ASXL1: variants seen among roughly 807,000 people sequenced by gnomAD.
ASXL1 encodes ASXL transcriptional regulator 1.
In ASXL1, 65 loss-of-function variants were observed where a neutral mutation model predicts 89.1. The ratio of observed to expected loss-of-function variants is 0.73; its 90% CI spans 0.60 to 0.90. The LOEUF (loss-of-function observed/expected upper bound fraction) is 0.90. Ranked by LOEUF, ASXL1 falls within the 40% of genes least tolerant of loss-of-function variation. The pLI, the probability that ASXL1 is intolerant of heterozygous loss-of-function variation, is 0.00. For missense variants in ASXL1, 1,786 were observed against 1,942.9 expected, an observed-to-expected ratio of 0.92 and a Z score of 1.52; for synonymous variants, 739 against 746.9, an observed-to-expected ratio of 0.99 and a Z score of 0.17.
intron 4 of ASXL1, among the ~76,000 whole-genome samples, chr20:32,398,852 G>T (rs1327010674): frequency 6.6e-6 from 1 of 151,106 alleles, no homozygotes; most frequent in Non-Finnish European, 1.5e-5. Flanking sequence ...CTCGTGATCC[G>T]CCCGCCTCGG....
intron 4 of ASXL1, among the ~76,000 whole-genome samples, chr20:32,407,705 T>C (rs1226977352): frequency 6.6e-6 from 1 of 152,202 alleles, no homozygotes; most frequent in African/African-American, 2.4e-5. Context: ...GCTCAAGTGA[T>C]CATCCCACCT....
rs892732207 is a variant in ASXL1, at chr20:32,434,636, G to T, written c.1924G>T (p.Gly642Ter). 1 of 1,607,626 alleles carries T rather than the reference G, an allele frequency of 6.2e-7. No individual in the cohort carries two copies. The highest frequency in any genetic ancestry group is 8.5e-7 in the Non-Finnish European group (1 of 1,176,870). ...TAGAGAGGCGGCCACCACTGCCATC[G>T]GAGGGGGGGGTGGCCCGGGTGGAGG... ...CHREAATTAIGGGGGPGGGGG... is the reference protein window; with the variant it reads ...CHREAATTAI The change falls in exon 13 of 13, where the codon GGA (glycine) becomes TGA (stop). Residue 642 changes from glycine (G) to a stop codon, truncating the protein, a stop_gained. Coordinates refer to ENST00000375687, the MANE Select transcript of ASXL1 (RefSeq NM_015338.6). LOFTEE classifies it low-confidence loss of function (END_TRUNC).
At chr20:32,363,600 T>A (rs1351979313) in intron 1 of ASXL1, among the ~76,000 whole-genome samples, 1 of 152,244 alleles carries the variant, frequency 6.6e-6, no homozygotes, top group Admixed American at 6.5e-5. Flanking sequence ...CACTCTCAAC[T>A]GTCCTGGTTT....
intron 2 of ASXL1, among the ~76,000 whole-genome samples, chr20:32,367,287 G>A (rs2048221414): frequency 1.3e-5 from 2 of 152,186 alleles, no homozygotes; most frequent in Non-Finnish European, 2.9e-5. Flanking sequence ...GGCGGAGGCT[G>A]GAGAATCGCT....
chr20:32,395,622 T>C (rs1032275152), intron 4 of ASXL1, among the ~76,000 whole-genome samples: 13 of 152,188 alleles, frequency 8.5e-5, no homozygotes, highest in Non-Finnish European at 1.8e-4. Context: ...TAATTACATG[T>C]ATATTTGGCT....
chr20:32,374,525 G>A (rs62206877), intron 4 of ASXL1, among the ~76,000 whole-genome samples: 1 of 152,008 alleles, frequency 6.6e-6, no homozygotes, highest in African/African-American at 2.4e-5. Context: ...CAAACTCCTG[G>A]CCTCAAGCAA....
chr20:32,398,755 G>T (rs998348391), intron 4 of ASXL1, among the ~76,000 whole-genome samples: 16 of 149,726 alleles, frequency 1.1e-4, no homozygotes, highest in Non-Finnish European at 7.5e-5. Context: ...GACTACAGGC[G>T]CCCGCCACTA....
chr20:32,426,697 C>G (rs762671854), intron 4 of ASXL1, among the ~76,000 whole-genome samples: 14 of 151,108 alleles, frequency 9.3e-5, no homozygotes, highest in Admixed American at 7.3e-4. Context: ...GTAGCTGGTA[C>G]TACAGGCGCG....
At chr20:32,408,337 A>G (rs1352020040) in intron 4 of ASXL1, among the ~76,000 whole-genome samples, 1 of 152,072 alleles carries the variant, frequency 6.6e-6, no homozygotes. Context: ...TCCCCTCTTT[A>G]TTGAATAGCT....
intron 1 of ASXL1, among the ~76,000 whole-genome samples, chr20:32,362,490 G>A (rs1013531159): frequency 6.6e-6 from 1 of 151,912 alleles, no homozygotes; most frequent in African/African-American, 2.4e-5. Context: ...CAAAAAATTA[G>A]CCAGGCGTGG....
intron 4 of ASXL1, among the ~76,000 whole-genome samples, chr20:32,373,014 C>T (rs574654140): frequency 1.3e-5 from 2 of 149,262 alleles, no homozygotes; most frequent in Admixed American, 6.7e-5. Context: ...TGGACTCAAG[C>T]GATCCACCCA....
chr20:32,379,750 C>A (rs968607116), intron 4 of ASXL1, among the ~76,000 whole-genome samples: 1 of 151,552 alleles, frequency 6.6e-6, no homozygotes, highest in East Asian at 2.0e-4. Context: ...CACTTGAACC[C>A]GGGAGGCAGA....
intron 8 of ASXL1, chr20:32,430,976 G>T (rs1246264536): frequency 6.1e-6 from 3 of 490,392 alleles, no homozygotes; most frequent in Non-Finnish European, 7.5e-6. Flanking sequence ...TAATTCTCAT[G>T]ATTTCTCCAG....
At chr20:32,359,454 C>G (rs1465141978) in intron 1 of ASXL1, 2 of 695,724 alleles carry the variant, frequency 2.9e-6, no homozygotes, top group Non-Finnish European at 5.2e-6. Flanking sequence ...TAGGGCCCTT[C>G]GTAAGACCTG....
rs187843990 is a variant in ASXL1, at chr20:32,434,279, C to T, written c.1720-153C>T. The T allele has an allele frequency of 5.6e-5, 56 of 999,004 alleles. No individual in the cohort carries two copies. The Admixed American group carries it at 5.9e-4, about 11-fold the overall frequency. The allele number at this position is 999,004 out of a possible 1,614,324, so 61.9% of individuals were successfully genotyped here. A position where few individuals can be genotyped will look rare whatever the true frequency, so the allele number is the denominator to read the frequency against. On this transcript the variant is annotated intron_variant, in intron 12 of 12. Transcript: ENST00000375687. Reference sequence around the variant, plus strand: ...ATCTTCTCTGAATGGTGTGTTATGGCGCCATTTTACTATGATGATTTCATT... The same window carrying T: ...ATCTTCTCTGAATGGTGTGTTATGGTGCCATTTTACTATGATGATTTCATT...
At position 32,434,865 on chromosome 20, in the gene ASXL1, G is replaced by A. The variant is rs754554150; in HGVS notation, c.2153G>A (p.Arg718Lys). 3.7e-6 allele frequency: 6 copies of A among 1,614,090 alleles called. No homozygotes were observed. Among genetic ancestry groups the A allele is most frequent in the Admixed American group, 3.3e-5 (2 of 60,010 alleles). ...GGAACTGCCATGTCCAGAGCTAGGA[G>A]AGAGGACCTGCCTTCTCTGAGAAAG... ...QAGTAMSRAR[R>K]EDLPSLRKEE... is the part of the protein sequence containing the mutation. Residue 718 changes from arginine (R) to lysine (K), a missense_variant, in exon 13 of 13, where the codon AGA (arginine) becomes AAA (lysine). Physicochemically the swap from Arg to Lys is conservative, Grantham distance 26. Transcript: ENST00000375687.
rs1169306080 is a variant in ASXL1 at position 32,358,924 on chromosome 20, T to C, written c.57+92T>C. On this transcript the variant is annotated intron_variant, in intron 1 of 12. Coordinates refer to ENST00000375687, the MANE Select transcript of ASXL1 (RefSeq NM_015338.6). ...CACTGGGGGGGGAGGGGCAAGGCCC[T>C]GCCCACCGCGGGAGGGGGCGGGGCC... The C allele has an allele frequency of 3.1e-6, 4 of 1,277,790 alleles. No individual in the cohort carries two copies. The Admixed American group carries it at 1.1e-4, about 34-fold the overall frequency. 79.2% of individuals were successfully genotyped at this position (1,277,790 alleles called of 1,614,324 possible).
intron 4 of ASXL1, among the ~76,000 whole-genome samples, chr20:32,415,047 C>T (rs1388786040): frequency 1.3e-5 from 2 of 151,938 alleles, no homozygotes; most frequent in Admixed American, 1.3e-4. Flanking sequence ...TATCTCTTGC[C>T]GCCCAGGCTG....
At chr20:32,378,158 T>TTGTGTGTGTGTGTG (rs142792019) in intron 4 of ASXL1, among the ~76,000 whole-genome samples, 1,583 of 130,262 alleles carry the variant, frequency 0.012, 41 homozygotes, top group African/African-American at 0.04. Context: ...GCTGAGTAAT[T>TTGTGTGTGTGTGTG]TGTGTGTGTG....
Sources: allele counts gnomAD v4.1 joint callset (sites outside exome capture counted in the v4.1 genomes callset), GRCh38; gene constraint gnomAD v4.1.1; transcripts MANE v1.5; gene names NCBI Gene and HGNC (gene_info 2026-07-23, HGNC 2026-07-21).